Variants in UNC13C observed in about 807,000 individuals in gnomAD.
The protein encoded by UNC13C is protein unc-13 homolog C.
Under a neutral mutation model 245.4 loss-of-function variants are expected in UNC13C, and 174 were observed. The observed-to-expected ratio is 0.71, with a 90% CI of 0.63 to 0.80. The LOEUF is 0.80. Among genes scored for constraint, UNC13C ranks in the 30% least tolerant of loss-of-function variants. UNC13C has a pLI of 0.00. For missense variants in UNC13C, 2,829 were observed against 2,602.9 expected, an observed-to-expected ratio of 1.09 and a Z score of -1.89; for synonymous variants, 992 against 895.1, an observed-to-expected ratio of 1.11 and a Z score of -1.93.
chr15:54,488,007 TGCCTCC>T lies in UNC13C; in HGVS notation c.4934-6600_4934-6595del, dbSNP rs1302868990. Among the ~76,000 whole-genome samples the T allele has an allele frequency of 5.0e-3, 647 of 130,602 alleles. 5 individuals are homozygous for T. The highest frequency in any genetic ancestry group is 0.019 in the African/African-American group (619 of 33,156). The allele number at this position is 130,602 out of a possible 152,430, so 85.7% of individuals were successfully genotyped here. On this transcript the variant is annotated intron_variant, in intron 19 of 32. Transcript: ENST00000260323. ...GGCAGCCAGGATTTTGATGATTTCT[TGCCTCC>T]AAAGATATCCCAACATTATAAGATC...
At chr15:54,183,045 T>G (rs2033852536) in intron 4 of UNC13C, among the ~76,000 whole-genome samples, 1 of 151,710 alleles carries the variant, frequency 6.6e-6, no homozygotes, top group African/African-American at 2.4e-5. Flanking sequence ...TATAATAAAA[T>G]AGATGATTCA....
chr15:54,485,807 T>C (rs1170797003), intron 19 of UNC13C, among the ~76,000 whole-genome samples: 2 of 152,156 alleles, frequency 1.3e-5, no homozygotes, highest in Non-Finnish European at 2.9e-5. Context: ...GCCATTTCAC[T>C]GTCTGTATTC....
At chr15:54,083,957 C>T (rs1188438916) in intron 2 of UNC13C, among the ~76,000 whole-genome samples, 6 of 152,234 alleles carry the variant, frequency 3.9e-5, no homozygotes, top group Admixed American at 3.3e-4. Context: ...ACCTGGTCCT[C>T]TGTCCTCATG....
chr15:54,011,489 A>G (rs1895378325), intron 1 of UNC13C, among the ~76,000 whole-genome samples: 1 of 152,258 alleles, frequency 6.6e-6, no homozygotes, highest in African/African-American at 2.4e-5. Flanking sequence ...AAAATAATTT[A>G]TCTACCTGAT....
intron 17 of UNC13C, among the ~76,000 whole-genome samples, chr15:54,390,996 T>A (rs1230977738): frequency 6.6e-6 from 1 of 152,118 alleles, no homozygotes; most frequent in Non-Finnish European, 1.5e-5. Flanking sequence ...AAAAATAGCA[T>A]CATCAGTAAT....
At chr15:54,455,178 T>C (rs1313137595) in intron 19 of UNC13C, among the ~76,000 whole-genome samples, 2 of 35,512 alleles carry the variant, frequency 5.6e-5, no homozygotes, top group Non-Finnish European at 1.1e-4. Flanking sequence ...TCTCTCTCTC[T>C]CTCTCTCTCT....
chr15:54,225,027 C>CTTTTTTTTT (rs60180489), intron 4 of UNC13C, among the ~76,000 whole-genome samples: 1 of 138,346 alleles, frequency 7.2e-6, no homozygotes, highest in Non-Finnish European at 1.6e-5. Flanking sequence ...CTTGTGTCTT[C>CTTTTTTTTT]TTTTTTTTTT....
intron 19 of UNC13C, among the ~76,000 whole-genome samples, chr15:54,439,308 A>G (rs1272336356): frequency 6.6e-6 from 1 of 152,010 alleles, no homozygotes; most frequent in Admixed American, 6.6e-5. Context: ...ACTACTCCCA[A>G]AAGATCAGTA....
chr15:54,275,035 G>A (rs2036796184), intron 10 of UNC13C, among the ~76,000 whole-genome samples: 1 of 151,760 alleles, frequency 6.6e-6, no homozygotes, highest in Non-Finnish European at 1.5e-5. Context: ...AACAAATGGG[G>A]GAAAACAGAA....
the UNC13C span, among the ~76,000 whole-genome samples, chr15:53,918,502 G>T: frequency 9.7e-4 from 147 of 152,296 alleles, 2 homozygotes; most frequent in African/African-American, 3.4e-3. Flanking sequence ...CTCAGACGCA[G>T]CATCAGTCCA....
At chr15:53,927,244 G>A in the UNC13C span, among the ~76,000 whole-genome samples, 1 of 152,158 alleles carries the variant, frequency 6.6e-6, no homozygotes, top group Non-Finnish European at 1.5e-5. Flanking sequence ...TGGAGTCCAC[G>A]TTTTTAACCA....
chr15:54,572,123 G>A (rs1015678446), intron 30 of UNC13C, among the ~76,000 whole-genome samples: 1 of 151,950 alleles, frequency 6.6e-6, no homozygotes, highest in African/African-American at 2.4e-5. Context: ...CCTAATGTCA[G>A]GTGGCTAAAA....
At chr15:53,865,620 G>T in the UNC13C span, among the ~76,000 whole-genome samples, 2 of 151,958 alleles carry the variant, frequency 1.3e-5, no homozygotes, top group Non-Finnish European at 2.9e-5. Flanking sequence ...AATTTTGATG[G>T]GGAAAAAATT....
At chr15:54,346,970 A>G (rs1358589791) in intron 17 of UNC13C, among the ~76,000 whole-genome samples, 1 of 152,210 alleles carries the variant, frequency 6.6e-6, no homozygotes, top group Non-Finnish European at 1.5e-5. Flanking sequence ...AAAGTGTTTT[A>G]GTTTATACTC....
intron 1 of UNC13C, among the ~76,000 whole-genome samples, chr15:54,004,605 G>T (rs182152588): frequency 9.6e-4 from 146 of 152,264 alleles, no homozygotes; most frequent in African/African-American, 3.2e-3. Context: ...CATAGTGGTT[G>T]TAGTAATTTA....
intron 19 of UNC13C, among the ~76,000 whole-genome samples, chr15:54,455,060 G>C (rs1891400235): frequency 1.3e-5 from 2 of 148,756 alleles, no homozygotes; most frequent in African/African-American, 5.0e-5. Context: ...TAGGATCTTT[G>C]GTTTTCCATT....
chr15:54,139,777 A>G (rs2031925090), intron 2 of UNC13C, among the ~76,000 whole-genome samples: 1 of 152,106 alleles, frequency 6.6e-6, no homozygotes, highest in African/African-American at 2.4e-5. Flanking sequence ...CTCTTTCCAT[A>G]GGTTTAATAA....
chr15:53,849,172 C>T, the UNC13C span, among the ~76,000 whole-genome samples: 1 of 151,632 alleles, frequency 6.6e-6, no homozygotes, highest in Non-Finnish European at 1.5e-5. Context: ...ATATTTTCTG[C>T]CTTTTGATGC....
At chr15:54,417,978 C>T (rs1428378559) in intron 19 of UNC13C, among the ~76,000 whole-genome samples, 1 of 152,032 alleles carries the variant, frequency 6.6e-6, no homozygotes, top group African/African-American at 2.4e-5. Flanking sequence ...GGCTGGAGTG[C>T]AGTGGTGTGA....
Sources: allele counts gnomAD v4.1 joint callset (sites outside exome capture counted in the v4.1 genomes callset), GRCh38; gene constraint gnomAD v4.1.1; transcripts MANE v1.5; gene names NCBI Gene and HGNC (gene_info 2026-07-23, HGNC 2026-07-21).